LAMA1: variants seen among roughly 807,000 people sequenced by gnomAD.
The protein encoded by LAMA1 is laminin subunit alpha-1.
A neutral mutation model predicts 348.7 loss-of-function variants in LAMA1; 219 were observed. The observed-to-expected ratio is 0.63, with a 90% CI of 0.56 to 0.70. LAMA1 has a LOEUF of 0.70. Among genes scored for constraint, LAMA1 ranks in the 30% least tolerant of loss-of-function variants. The probability of loss-of-function intolerance (pLI) is 0.00; values close to 1 mark genes in which losing one functional copy is unlikely to be tolerated. For synonymous variants in LAMA1, 1,487 were observed against 1,491.0 expected (o/e 1.00, Z 0.06); for missense variants, 3,744 against 3,888.0 (o/e 0.96, Z 0.99).
intron 14 of LAMA1, among the ~76,000 whole-genome samples, chr18:7,033,439 G>A (rs2057979939): frequency 6.9e-6 from 1 of 145,092 alleles, no homozygotes; most frequent in Admixed American, 6.8e-5. Context: ...CTGGGTGATA[G>A]AGGGAGACTC....
At chr18:7,036,315 A>C (rs2057994521) in intron 12 of LAMA1, among the ~76,000 whole-genome samples, 1 of 152,260 alleles carries the variant, frequency 6.6e-6, no homozygotes, top group South Asian at 2.1e-4. Flanking sequence ...TTGAAAGCAC[A>C]GAAGAAAAAT....
chr18:7,039,760 G>A (rs535791874), intron 10 of LAMA1, among the ~76,000 whole-genome samples: 46 of 152,294 alleles, frequency 3.0e-4, no homozygotes, highest in Admixed American at 1.3e-3. Context: ...TTTAAAGAAA[G>A]AAAACAGAGA....
At chr18:7,092,009 A>C (rs146206244) in intron 1 of LAMA1, among the ~76,000 whole-genome samples, 56 of 152,298 alleles carry the variant, frequency 3.7e-4, no homozygotes, top group African/African-American at 1.3e-3. Flanking sequence ...AAATCATTTG[A>C]GTTACGTTTT....
At chr18:7,009,413 G>T (rs764922035) in intron 26 of LAMA1, 47 bp from the exon 27 acceptor site, 2 of 1,601,780 alleles carry the variant, frequency 1.2e-6, no homozygotes, top group Non-Finnish European at 1.7e-6. Flanking sequence ...GCCAAATTCT[G>T]ACAGGCATAA....
intron 44 of LAMA1, 45 bp downstream of exon 44, chr18:6,977,682 A>G: frequency 6.2e-7 from 1 of 1,612,138 alleles, no homozygotes; most frequent in Non-Finnish European, 8.5e-7. Context: ...GGGACCCCAC[A>G]TGACTGAGAG....
rs529925171 is a variant in LAMA1 at position 7,053,491 on chromosome 18, C to A, written c.346-2555G>T. On this transcript the variant is annotated intron_variant, in intron 3 of 62. Coordinates refer to ENST00000389658, the MANE Select transcript of LAMA1 (RefSeq NM_005559.4). ...TGCTCATTTTTCTACAAACTGAAAA[C>A]TGTTCCAAAAATGTCTATTAATTGA... Among the ~76,000 whole-genome samples the A allele has an allele frequency of 4.6e-5, 7 of 152,126 alleles. No homozygotes were observed. The East Asian group carries it at 1.4e-3, about 29-fold the overall frequency.
intron 34 of LAMA1, 40 bp from the exon 35 acceptor site, chr18:6,993,792 GTAAT>G (rs1568022272): frequency 1.7e-6 from 2 of 1,183,928 alleles, no homozygotes; most frequent in Admixed American, 3.4e-5. Flanking sequence ...TTGACTTTAA[GTAAT>G]TAGTTTGACT....
intron 1 of LAMA1, among the ~76,000 whole-genome samples, chr18:7,089,674 G>C (rs1285190773): frequency 6.6e-6 from 1 of 152,150 alleles, no homozygotes; most frequent in Non-Finnish European, 1.5e-5. Context: ...TTTCTCCTGG[G>C]GAATAAAATC....
At chr18:6,944,298 G>A (rs985022477) in intron 61 of LAMA1, among the ~76,000 whole-genome samples, 4 of 152,130 alleles carry the variant, frequency 2.6e-5, no homozygotes, top group Non-Finnish European at 5.9e-5. Context: ...TTACAGGTGT[G>A]AGCCACCGCA....
chr18:7,097,579 T>G (rs1391088015), intron 1 of LAMA1, among the ~76,000 whole-genome samples: 1 of 151,804 alleles, frequency 6.6e-6, no homozygotes, highest in Non-Finnish European at 1.5e-5. Context: ...TTAAAGCACT[T>G]TAGAAAAAGT....
At chr18:6,982,618 T>A (rs753767745) in intron 40 of LAMA1, 28 bp from the exon 41 acceptor site, 1 of 1,592,226 alleles carries the variant, frequency 6.3e-7, no homozygotes, top group Admixed American at 1.7e-5. Context: ...TTAAGCGTGG[T>A]GAGAGCAGGG....
chr18:7,115,814 C>CAAAA (rs557585224), intron 1 of LAMA1, among the ~76,000 whole-genome samples: 43 of 94,800 alleles, frequency 4.5e-4, no homozygotes, highest in African/African-American at 1.3e-3. Flanking sequence ...ACTAAAAATA[C>CAAAA]AAAAAAAAAA....
intron 17 of LAMA1, among the ~76,000 whole-genome samples, chr18:7,024,985 C>T (rs2057935910): frequency 6.6e-6 from 1 of 152,226 alleles, no homozygotes; most frequent in South Asian, 2.1e-4. Flanking sequence ...AACCCTATTC[C>T]TAAACCTTGA....
intron 3 of LAMA1, among the ~76,000 whole-genome samples, chr18:7,052,864 C>CA (rs1351538014): frequency 6.6e-6 from 1 of 151,590 alleles, no homozygotes; most frequent in African/African-American, 2.4e-5. Context: ...ACTAAAACTA[C>CA]AAAAAAATTA....
At chr18:7,048,503 C>G (rs2058050629) in intron 5 of LAMA1, among the ~76,000 whole-genome samples, 1 of 152,126 alleles carries the variant, frequency 6.6e-6, no homozygotes, top group African/African-American at 2.4e-5. Flanking sequence ...CCTCCCATTT[C>G]AGCCTCCCAA....
At chr18:7,099,990 C>T (rs71360064) in intron 1 of LAMA1, among the ~76,000 whole-genome samples, 1 of 137,860 alleles carries the variant, frequency 7.3e-6, no homozygotes, top group Non-Finnish European at 1.5e-5. Flanking sequence ...ACCAGGGAGG[C>T]GGAGCTTGCA....
rs943165483 is a variant in LAMA1 at position 7,081,988 on chromosome 18, C to T, written c.62-1531G>A. On this transcript the variant is annotated intron_variant, in intron 1 of 62. Transcript: ENST00000389658. ...GTTATTTTTTAGGCACTGCCTAATA[C>T]GTTCAATGATCTTTTCCATTATAAA... Among the ~76,000 whole-genome samples, 6 of 152,204 alleles carry T rather than the reference C, an allele frequency of 3.9e-5. No homozygotes were observed. The East Asian group carries it at 7.7e-4, about 20-fold the overall frequency.
chr18:7,008,339 A>T, intron 28 of LAMA1, 149 bp downstream of exon 28: 1 of 934,046 alleles, frequency 1.1e-6, no homozygotes, highest in Admixed American at 2.6e-5. Flanking sequence ...TGTTATGTAC[A>T]TTTTACCAAA....
In LAMA1 at chr18:7,037,736, C is replaced by A; in HGVS notation, c.1579G>T (p.Gly527Trp). Residue 527 changes from glycine to tryptophan, a missense_variant, in exon 12 of 63, where the codon GGG becomes TGG. By Grantham distance (184) the Gly-to-Trp change is radical. This residue lies in a region of LAMA1 where 1,529 missense variants were observed against 1,689.4 expected (regional missense o/e 0.91). Coordinates refer to ENST00000389658, the MANE Select transcript of LAMA1 (RefSeq NM_005559.4). Reference sequence around the variant, plus strand: ...CTGATCAAGTCGGTGACCAGCCACCCGGACATACTGTTTACCTTAAAAACA... The same window carrying A: ...CTGATCAAGTCGGTGACCAGCCACCAGGACATACTGTTTACCTTAAAAACA... Reference protein sequence around the residue: ...WPVGQVNSMSGWLVTDLISPR... With the variant: ...WPVGQVNSMSWWLVTDLISPR... 1 of 1,614,074 alleles carries A rather than the reference C, an allele frequency of 6.2e-7. No homozygotes were observed. The highest frequency in any genetic ancestry group is 8.5e-7 in the Non-Finnish European group (1 of 1,180,026).
Sources: gnomAD v4.1 joint callset for allele counts (sites outside exome capture counted in the v4.1 genomes callset) on GRCh38, gnomAD v4.1.1 for gene constraint, gnomAD v4.1.1 regional missense constraint, MANE v1.5 for transcripts, NCBI Gene and HGNC (gene_info 2026-07-23, HGNC 2026-07-21) for gene names.